The following NIBAN2 variants were observed in gnomAD, a reference collection of about 807,000 sequenced individuals.
NIBAN2 encodes niban apoptosis regulator 2, also known as protein Niban 2.
Under a neutral mutation model 81.8 loss-of-function variants are expected in NIBAN2, and 36 were observed. The ratio of observed to expected loss-of-function variants is 0.44; its 90% confidence interval spans 0.34 to 0.58. NIBAN2 has a LOEUF of 0.58. Ranked by LOEUF, NIBAN2 falls within the 20% of genes least tolerant of loss-of-function variation. NIBAN2 has a pLI of 0.02. For missense variants in NIBAN2, 897 were observed against 1,014.1 expected (o/e 0.88, Z 1.57); for synonymous variants, 445 against 441.6 (o/e 1.01, Z -0.10).
At chr9:127,551,874 G>A (rs1837583172) in intron 1 of NIBAN2, among the ~76,000 whole-genome samples, 1 of 152,170 alleles carries the variant, frequency 6.6e-6, no homozygotes, top group Non-Finnish European at 1.5e-5. Context: ...CTGCAGACCT[G>A]CCCTCTGCCT....
rs778518147 is a variant in NIBAN2 at position 127,507,007 on chromosome 9, C to A, written c.2079G>T (p.Pro693=). ...QPKAAPEASS[P]PASPLQHLLP... ...GGAGATGCTGGAGGGGTGAGGCAGG[C>A]GGCGAGGAGGCCTCGGGGGCGGCCT... is the stretch of plus-strand genomic sequence containing the variant. The change falls in exon 14 of 14, where the codon CCG becomes CCT. Residue 693 remains proline, a synonymous_variant. Coordinates refer to ENST00000373312, the MANE Select transcript of NIBAN2 (RefSeq NM_022833.4). This position sits in a 1 kb window ranked among gnomAD's most constrained non-coding sequence, Gnocchi z 6.8. The A allele has an allele frequency of 2.5e-6, 4 of 1,593,370 alleles. No individual in the cohort carries two copies. Among genetic ancestry groups the A allele is most frequent in the Non-Finnish European group, 3.4e-6 (4 of 1,168,786 alleles).
intron 5 of NIBAN2, 50 bp downstream of exon 5, chr9:127,523,629 C>T (rs1292375177): frequency 2.5e-6 from 4 of 1,576,030 alleles, no homozygotes; most frequent in South Asian, 1.1e-5. Flanking sequence ...CAGCAATAAC[C>T]CAGGTCCTGC....
intron 9 of NIBAN2, 147 bp from the exon 10 acceptor site, chr9:127,509,278 A>C (rs993648060): frequency 9.5e-6 from 7 of 737,062 alleles, no homozygotes; most frequent in African/African-American, 1.8e-5. Flanking sequence ...ATGGCCACAA[A>C]GGTAAACCCA....
chr9:127,526,377 C>T (rs569435569), intron 3 of NIBAN2, among the ~76,000 whole-genome samples: 68 of 129,626 alleles, frequency 5.2e-4, no homozygotes, highest in African/African-American at 1.9e-3. Context: ...TCCAGCCTGG[C>T]GACAGAGCTA....
chr9:127,553,383 G>C (rs1406285803), intron 1 of NIBAN2, among the ~76,000 whole-genome samples: 3 of 152,200 alleles, frequency 2.0e-5, no homozygotes, highest in Non-Finnish European at 4.4e-5. Context: ...TCAAGTTCAG[G>C]CTGCTGAGGC....
At chr9:127,521,714 AC>A (rs1309106207) in intron 5 of NIBAN2, among the ~76,000 whole-genome samples, 1 of 152,084 alleles carries the variant, frequency 6.6e-6, no homozygotes, top group African/African-American at 2.4e-5. Flanking sequence ...AGAAGGGGCC[AC>A]CCGGCAGGAC....
At chr9:127,567,309 C>T (rs774373649) in intron 1 of NIBAN2, among the ~76,000 whole-genome samples, 4 of 152,170 alleles carry the variant, frequency 2.6e-5, no homozygotes, top group Non-Finnish European at 5.9e-5. Flanking sequence ...GAGCTTGCTG[C>T]GACAGGGAGG....
chr9:127,556,877 C>T (rs1837681743), intron 1 of NIBAN2, among the ~76,000 whole-genome samples: 1 of 152,088 alleles, frequency 6.6e-6, no homozygotes, highest in Non-Finnish European at 1.5e-5. Flanking sequence ...GAGTTTGAGA[C>T]CAGCCTGGGT....
At chr9:127,523,870 C>T (rs781535198) in intron 4 of NIBAN2, 24 bp from the exon 5 acceptor site, 21 of 1,597,670 alleles carry the variant, frequency 1.3e-5, no homozygotes, top group East Asian at 2.3e-5. Flanking sequence ...GCCTGATGAG[C>T]AGCTGCCCTC....
chr9:127,508,354 G>T lies in NIBAN2; in HGVS notation c.1434+68C>A. On this transcript the variant is annotated intron_variant, in intron 11 of 13. Coordinates refer to ENST00000373312, the MANE Select transcript of NIBAN2 (RefSeq NM_022833.4). This position sits in a 1 kb window ranked among gnomAD's most constrained non-coding sequence, Gnocchi z 6.4. ...TTGCAGGGACAGCAATCCTGGTGGTGGCCGGGGATGAGGCTCGGGGCTCGG... is the reference window on the plus strand; with the variant it reads ...TTGCAGGGACAGCAATCCTGGTGGTTGCCGGGGATGAGGCTCGGGGCTCGG... 1 of 1,431,964 alleles carries T rather than the reference G, an allele frequency of 7.0e-7. No homozygotes were observed. 88.7% of individuals were successfully genotyped at this position (1,431,964 alleles called of 1,614,324 possible). A position where few individuals can be genotyped will look rare whatever the true frequency, so the allele number is the denominator to read the frequency against.
chr9:127,562,235 G>A (rs1331276725), intron 1 of NIBAN2, among the ~76,000 whole-genome samples: 1 of 152,156 alleles, frequency 6.6e-6, no homozygotes. Context: ...CTCTCTTGGA[G>A]GCCTTTTTCA....
rs1836982850 is a variant in NIBAN2, at chr9:127,523,189, AAAAATATATATATATATATAT to A, written c.589+469_589+489del. 3.0e-4 allele frequency among the ~76,000 whole-genome samples: 7 copies of A among 23,156 alleles called. 1 individual carries two copies. The highest frequency in any genetic ancestry group is 3.8e-3 in the South Asian group (2 of 522). 15.2% of individuals were successfully genotyped at this position (23,156 alleles called of 152,430 possible). A position where few individuals can be genotyped will look rare whatever the true frequency, so the allele number is the denominator to read the frequency against. ...GGTTTTAAAAAAAAAAAAAAAAAAA[AAAAATATATATATATATATAT>A]ATATATATATATATATATATATATA... On this transcript the variant is annotated intron_variant, in intron 5 of 13. Coordinates refer to ENST00000373312, the MANE Select transcript of NIBAN2 (RefSeq NM_022833.4).
chr9:127,532,608 T>TA (rs1391018337), intron 1 of NIBAN2, among the ~76,000 whole-genome samples: 3 of 149,934 alleles, frequency 2.0e-5, no homozygotes, highest in Non-Finnish European at 3.0e-5. Flanking sequence ...CTCCATATAA[T>TA]AAAAAAATTT....
intron 2 of NIBAN2, among the ~76,000 whole-genome samples, chr9:127,530,039 G>A (rs1265791175): frequency 2.6e-5 from 4 of 152,182 alleles, no homozygotes; most frequent in East Asian, 1.9e-4. Context: ...TTGGATTATA[G>A]GGACTTGGGC....
intron 1 of NIBAN2, among the ~76,000 whole-genome samples, chr9:127,547,851 C>T (rs745353363): frequency 5.9e-5 from 9 of 152,060 alleles, no homozygotes; most frequent in Non-Finnish European, 1.2e-4. Context: ...AACAAAAAAA[C>T]AAACAAAAAA....
chr9:127,560,693 T>C (rs1042865149), intron 1 of NIBAN2, among the ~76,000 whole-genome samples: 5 of 152,192 alleles, frequency 3.3e-5, no homozygotes, highest in African/African-American at 1.2e-4. Context: ...GTGTCCCTGG[T>C]GCCCAGCACA....
chr9:127,527,050 G>T, intron 3 of NIBAN2, 144 bp downstream of exon 3: 1 of 935,782 alleles, frequency 1.1e-6, no homozygotes, highest in Non-Finnish European at 1.6e-6. Flanking sequence ...TGGGGGAGGG[G>T]AGGGGCTGAG....
In NIBAN2 at chr9:127,527,311, G is replaced by A. The variant is rs533673621; in HGVS notation, c.198C>T (p.Asp66=). 9.8e-5 allele frequency: 158 copies of A among 1,613,314 alleles called. No homozygotes were observed. The highest frequency in any genetic ancestry group is 4.2e-4 in the Admixed American group (25 of 60,002). ...AQLLWRKVPL[D]ERIVFSGNLF... ...GGTTCCCCGAGAAGACGATGCGCTC[G>A]TCCAGTGGCACCTGTGGGCAGGAGC... Residue 66 remains aspartate (D), a synonymous_variant, in exon 3 of 14, where the codon GAC becomes GAT. Coordinates refer to ENST00000373312, the MANE Select transcript of NIBAN2 (RefSeq NM_022833.4).
chr9:127,507,786 G>T lies in NIBAN2; in HGVS notation c.1654+81C>A. On this transcript the variant is annotated intron_variant, in intron 13 of 13. Coordinates refer to ENST00000373312, the MANE Select transcript of NIBAN2 (RefSeq NM_022833.4). This position sits in a 1 kb window ranked among gnomAD's most constrained non-coding sequence, Gnocchi z 6.8. Reference sequence around the variant, plus strand: ...CTGGGCTTTTCTTTGAGCCTTAGCTGACCCCCTCAGCTGCCACCACTTCTC... The same window carrying T: ...CTGGGCTTTTCTTTGAGCCTTAGCTTACCCCCTCAGCTGCCACCACTTCTC... 1 of 1,284,650 alleles carries T rather than the reference G, an allele frequency of 7.8e-7. No homozygotes were observed. Among genetic ancestry groups the T allele is most frequent in the Non-Finnish European group, 1.1e-6 (1 of 885,822 alleles). 79.6% of individuals were successfully genotyped at this position (1,284,650 alleles called of 1,614,324 possible).
Sources: allele counts gnomAD v4.1 joint callset (sites outside exome capture counted in the v4.1 genomes callset), GRCh38; gene constraint gnomAD v4.1.1; non-coding constraint Gnocchi (gnomAD v3.1); transcripts MANE v1.5; gene names NCBI Gene and HGNC (gene_info 2026-07-23, HGNC 2026-07-21).